CDC14A: variants seen among roughly 807,000 people sequenced by gnomAD.
CDC14A encodes the protein cell division cycle 14A, also known as dual specificity protein phosphatase CDC14A.
In CDC14A, 53 loss-of-function variants were observed where a neutral mutation model predicts 74.4. The ratio of observed to expected loss-of-function variants is 0.71; its 90% CI spans 0.57 to 0.89. CDC14A has a LOEUF of 0.89. CDC14A is among the 40% of genes least tolerant of loss of function. The probability of loss-of-function intolerance (pLI) is 0.00; values close to 1 mark genes in which losing one functional copy is unlikely to be tolerated. For missense variants in CDC14A, 646 were observed against 713.7 expected (o/e 0.91, Z 1.08); for synonymous variants, 247 against 258.4 (o/e 0.96, Z 0.43).
At chr1:100,372,517 GA>G (rs1232198630) in intron 2 of CDC14A, among the ~76,000 whole-genome samples, 1 of 152,164 alleles carries the variant, frequency 6.6e-6, no homozygotes, top group African/African-American at 2.4e-5. Flanking sequence ...AATTCCATCT[GA>G]AGAACCCAGT....
intron 5 of CDC14A, among the ~76,000 whole-genome samples, chr1:100,432,738 AGTTT>A (rs1365667226): frequency 2.0e-5 from 3 of 152,178 alleles, no homozygotes; most frequent in African/African-American, 7.2e-5. Flanking sequence ...TTTTCTTGTT[AGTTT>A]ATTTTAATAT....
intron 1 of CDC14A, 34 bp from the exon 2 acceptor site, chr1:100,353,728 T>C (rs1382917086): frequency 8.7e-7 from 1 of 1,147,406 alleles, no homozygotes; most frequent in Non-Finnish European, 1.3e-6. Context: ...CTACTTCTCA[T>C]ATGTTTTTTC....
Position 100,508,525 on chromosome 1 carries a change from C to T in CDC14A, c.1755+9263C>T, listed in dbSNP as rs1465129092. On this transcript the variant is annotated intron_variant, in intron 15 of 15. Coordinates refer to ENST00000336454, the MANE Select transcript of CDC14A (RefSeq NM_003672.4). This position sits in a 1 kb window ranked among gnomAD's most constrained non-coding sequence, Gnocchi z 4.4. The stretch of plus-strand genomic sequence containing the variant: ...CTTTCTCTCTCTGTTTTTCCCTCCT[C>T]GTCTGCTGGCCTTCTTGTTGGCTCT... Among the ~76,000 whole-genome samples, 3 of 152,086 alleles carry T rather than the reference C, an allele frequency of 2.0e-5. No individual in the cohort carries two copies. The highest frequency in any genetic ancestry group is 2.9e-5 in the Non-Finnish European group (2 of 68,012).
intron 3 of CDC14A, among the ~76,000 whole-genome samples, chr1:100,386,752 A>G (rs967568714): frequency 6.6e-6 from 1 of 152,198 alleles, no homozygotes; most frequent in Non-Finnish European, 1.5e-5. Context: ...TTCTCCTGAT[A>G]TTAGGGCAGA....
chr1:100,358,540 T>G (rs375447870), intron 2 of CDC14A, among the ~76,000 whole-genome samples: 6 of 152,328 alleles, frequency 3.9e-5, no homozygotes, highest in South Asian at 4.1e-4. Flanking sequence ...AGGAAAGAGC[T>G]CTTTAGGGAG....
intron 4 of CDC14A, among the ~76,000 whole-genome samples, chr1:100,398,213 CT>C (rs1352813463): frequency 6.6e-6 from 1 of 152,146 alleles, no homozygotes; most frequent in Non-Finnish European, 1.5e-5. Context: ...TTAGGAATGT[CT>C]GGTGGCCCTG....
At chr1:100,497,726 GC>G (rs1648075247) in intron 13 of CDC14A, among the ~76,000 whole-genome samples, 1 of 152,212 alleles carries the variant, frequency 6.6e-6, no homozygotes, top group African/African-American at 2.4e-5. Flanking sequence ...CAGGATCATG[GC>G]TAAGAGCAGG....
At chr1:100,459,129 A>ACACACACACACACACACACC (rs1667069358) in intron 8 of CDC14A, among the ~76,000 whole-genome samples, 1 of 141,224 alleles carries the variant, frequency 7.1e-6, no homozygotes. Context: ...ACACACACAG[A>ACACACACACACACACACACC]GAGAGAGAGA....
chr1:100,348,937 G>A (rs1650671098), upstream of CDC14A, among the ~76,000 whole-genome samples: 1 of 152,226 alleles, frequency 6.6e-6, no homozygotes, highest in Admixed American at 6.5e-5. Flanking sequence ...GCTCATATCT[G>A]TAATTCCAGC....
At chr1:100,397,523 A>G (rs1280793493) in intron 4 of CDC14A, among the ~76,000 whole-genome samples, 1 of 152,212 alleles carries the variant, frequency 6.6e-6, no homozygotes. Context: ...AGTCTTCACT[A>G]GTACCTGTGT....
chr1:100,496,578 A>G (rs1328044872), intron 13 of CDC14A, among the ~76,000 whole-genome samples: 1 of 152,192 alleles, frequency 6.6e-6, no homozygotes, highest in Non-Finnish European at 1.5e-5. Context: ...TGAGAGCAGC[A>G]GAGATGTTTG....
chr1:100,393,073 T>A, intron 4 of CDC14A: 1 of 1,425,930 alleles, frequency 7.0e-7, no homozygotes, highest in Non-Finnish European at 9.9e-7. Flanking sequence ...TGCCTTTCCA[T>A]GTTGCTGTTT....
chr1:100,448,812 TAGGC>T (rs1362312169), intron 7 of CDC14A, among the ~76,000 whole-genome samples: 1 of 152,242 alleles, frequency 6.6e-6, no homozygotes, highest in East Asian at 1.9e-4. Flanking sequence ...ATATATTTGC[TAGGC>T]CCAATGTTTC....
Position 100,352,780 on chromosome 1 carries a change from G to A in CDC14A, c.-175G>A, listed in dbSNP as rs1376464884. The A allele has an allele frequency of 6.3e-6, 9 of 1,421,112 alleles. No homozygotes were observed. Among genetic ancestry groups the A allele is most frequent in the Non-Finnish European group, 8.2e-6 (9 of 1,094,286 alleles). The allele number at this position is 1,421,112 out of a possible 1,614,324, so 88.0% of individuals were successfully genotyped here. ...GTTCCCCTCGGAATGTCCCCGGGGC[G>A]CCCGGCGCGCTGACCCCGAAGCCGC... On this transcript the variant is annotated 5_prime_UTR_variant, in exon 1 of 16. Coordinates refer to ENST00000336454, the MANE Select transcript of CDC14A (RefSeq NM_003672.4).
At chr1:100,435,738 C>T (rs369371051) in intron 5 of CDC14A, among the ~76,000 whole-genome samples, 6 of 147,114 alleles carry the variant, frequency 4.1e-5, no homozygotes, top group East Asian at 4.1e-4. Flanking sequence ...GTGAGGCAAT[C>T]GCTTGAACCC....
intron 15 of CDC14A, chr1:100,504,707 C>T (rs1156856515): frequency 2.5e-6 from 2 of 790,088 alleles, no homozygotes; most frequent in East Asian, 5.4e-5. Context: ...AACATAAATA[C>T]TGACTTTCTT....
intron 4 of CDC14A, 35 bp from the exon 5 acceptor site, chr1:100,424,187 T>G: frequency 6.7e-7 from 1 of 1,482,224 alleles, no homozygotes; most frequent in Non-Finnish European, 9.4e-7. Context: ...GTGTCATTCT[T>G]GGGTGTTCTA....
chr1:100,370,288 GTT>G (rs778173442), intron 2 of CDC14A, among the ~76,000 whole-genome samples: 2 of 143,208 alleles, frequency 1.4e-5, no homozygotes, highest in Non-Finnish European at 3.1e-5. Flanking sequence ...CCAGCCTAAA[GTT>G]TTTTTTTTTT....
intron 15 of CDC14A, among the ~76,000 whole-genome samples, chr1:100,501,900 A>G (rs1648774678): frequency 6.6e-6 from 1 of 152,212 alleles, no homozygotes; most frequent in South Asian, 2.1e-4. Flanking sequence ...AATACTAAAG[A>G]TATTTAAAAT....
Sources: gnomAD v4.1 joint callset for allele counts (sites outside exome capture counted in the v4.1 genomes callset) on GRCh38, gnomAD v4.1.1 for gene constraint, Gnocchi (gnomAD v3.1) non-coding constraint, MANE v1.5 for transcripts, NCBI Gene and HGNC (gene_info 2026-07-23, HGNC 2026-07-21) for gene names.